Variants in KIRREL3 observed in about 807,000 individuals in gnomAD.
KIRREL3 encodes the protein kirre like nephrin family adhesion molecule 3.
A neutral mutation model predicts 89.7 loss-of-function variants in KIRREL3; 36 were observed. The observed-to-expected ratio is 0.40, with a 90% CI of 0.31 to 0.53. The LOEUF (loss-of-function observed/expected upper bound fraction) is 0.53. Among genes scored for constraint, KIRREL3 ranks in the 20% least tolerant of loss-of-function variants. The pLI is 0.49. For missense variants in KIRREL3, 864 were observed against 1,056.6 expected (o/e 0.82, Z 2.53); for synonymous variants, 445 against 441.4 (o/e 1.01, Z -0.10).
At position 126,748,313 on chromosome 11, in the gene KIRREL3, T is replaced by C. The variant is rs1452142930; in HGVS notation, c.56-185401A>G. Reference sequence around the variant, plus strand: ...GAAGACAGTGTAAGCCCCAGGAAACTGTGACAGCAATAAAAGAACTAAATG... The same window carrying C: ...GAAGACAGTGTAAGCCCCAGGAAACCGTGACAGCAATAAAAGAACTAAATG... On this transcript the variant is annotated intron_variant, in intron 1 of 16. Coordinates refer to ENST00000525144, the MANE Select transcript of KIRREL3 (RefSeq NM_032531.4). The surrounding 1 kb of genome is among the most constrained non-coding windows in gnomAD (Gnocchi z 4.6). Among the ~76,000 whole-genome samples the C allele has an allele frequency of 6.6e-6, 1 of 152,204 alleles. No homozygotes were observed. The highest frequency in any genetic ancestry group is 2.4e-5 in the African/African-American group (1 of 41,460).
rs1013836984 is a variant in KIRREL3 at position 126,471,211 on chromosome 11, G to GA, written c.591+2097dup. ...CGTCTCTTTTAAAAATACAAAAAAA[G>GA]AAAAAAAAATTAGCTGGGCATGATG... On this transcript the variant is annotated intron_variant, in intron 5 of 16. Transcript: ENST00000525144. The surrounding 1 kb of genome is among the most constrained non-coding windows in gnomAD (Gnocchi z 5.4). Among the ~76,000 whole-genome samples, 274 of 150,564 alleles carry GA rather than the reference G, an allele frequency of 1.8e-3. 1 individual carries two copies. Among genetic ancestry groups the GA allele is most frequent in the African/African-American group, 5.8e-3 (238 of 41,104 alleles).
At chr11:126,580,680 T>C (rs1324581820) in intron 1 of KIRREL3, among the ~76,000 whole-genome samples, 2 of 152,070 alleles carry the variant, frequency 1.3e-5, no homozygotes, top group African/African-American at 4.8e-5. Flanking sequence ...ACAGTTTCTG[T>C]GCACCCTGGA....
intron 1 of KIRREL3, among the ~76,000 whole-genome samples, chr11:126,992,748 T>C (rs682033): frequency 0.16 from 24,820 of 152,188 alleles, 2,396 homozygotes; most frequent in Middle Eastern, 0.28. Flanking sequence ...TGCTGTTTCC[T>C]CTTCTGGTTA....
At chr11:126,456,668 C>T (rs1416627118) in intron 6 of KIRREL3, among the ~76,000 whole-genome samples, 1 of 152,178 alleles carries the variant, frequency 6.6e-6, no homozygotes, top group Admixed American at 6.5e-5. Flanking sequence ...GGACTTGGGG[C>T]CTGGTGTGGA....
At chr11:126,833,951 T>G (rs1449539472) in intron 1 of KIRREL3, among the ~76,000 whole-genome samples, 1 of 152,160 alleles carries the variant, frequency 6.6e-6, no homozygotes, top group East Asian at 1.9e-4. Flanking sequence ...GCCTTTGGAG[T>G]TGACCACCTT....
intron 1 of KIRREL3, among the ~76,000 whole-genome samples, chr11:126,659,136 T>C (rs1460301281): frequency 6.6e-6 from 1 of 152,238 alleles, no homozygotes; most frequent in African/African-American, 2.4e-5. Flanking sequence ...TGCAAGGATA[T>C]AGTCATGAAC....
chr11:126,433,205 A>G (rs777253191), intron 13 of KIRREL3, among the ~76,000 whole-genome samples: 2 of 152,238 alleles, frequency 1.3e-5, no homozygotes, highest in Non-Finnish European at 2.9e-5. Context: ...AAAGGCCAGG[A>G]AAGTTCCTTT....
In KIRREL3 at chr11:126,736,272, A is replaced by G. The variant is rs539153115; in HGVS notation, c.56-173360T>C. 2.6e-5 allele frequency among the ~76,000 whole-genome samples: 4 copies of G among 152,314 alleles called. No individual in the cohort carries two copies. In the East Asian group the frequency reaches 7.7e-4, roughly 29 times the overall value. ...CTAGAAGTTTTACACACATTTCCTC[A>G]TTTAATACTCTTGTGAAATGTGCAC... On this transcript the variant is annotated intron_variant, in intron 1 of 16. Coordinates refer to ENST00000525144, the MANE Select transcript of KIRREL3 (RefSeq NM_032531.4). The surrounding 1 kb of genome is among the most constrained non-coding windows in gnomAD (Gnocchi z 5.0).
intron 4 of KIRREL3, among the ~76,000 whole-genome samples, chr11:126,478,841 TGGGA>T (rs1342200103): frequency 6.6e-6 from 1 of 151,944 alleles, no homozygotes; most frequent in Non-Finnish European, 1.5e-5. Flanking sequence ...GCGTGAGTAG[TGGGA>T]GGGAGGAGGG....
At chr11:126,720,784 G>A (rs1378212618) in intron 1 of KIRREL3, among the ~76,000 whole-genome samples, 1 of 152,210 alleles carries the variant, frequency 6.6e-6, no homozygotes, top group Non-Finnish European at 1.5e-5. Flanking sequence ...CAGGGCACAT[G>A]CAAATGACGC....
At position 126,997,561 on chromosome 11, in the gene KIRREL3, A is replaced by C. The variant is rs1950211203; in HGVS notation, c.55+2894T>G. Among the ~76,000 whole-genome samples, 1 of 152,142 alleles carries C rather than the reference A, an allele frequency of 6.6e-6. No homozygotes were observed. Among genetic ancestry groups the C allele is most frequent in the East Asian group, 1.9e-4 (1 of 5,196 alleles). On this transcript the variant is annotated intron_variant, in intron 1 of 16. Coordinates refer to ENST00000525144, the MANE Select transcript of KIRREL3 (RefSeq NM_032531.4). This position sits in a 1 kb window ranked among gnomAD's most constrained non-coding sequence, Gnocchi z 4.3. ...CCAAACTTTCAAAGAATAGGGACCCACCATATTACTGATATTAATTATACA... is the reference window on the plus strand; with the variant it reads ...CCAAACTTTCAAAGAATAGGGACCCCCCATATTACTGATATTAATTATACA...
chr11:126,521,261 T>A lies in KIRREL3; in HGVS notation c.433+54A>T. 1.4e-6 allele frequency: 2 copies of A among 1,463,348 alleles called. No homozygotes were observed. The highest frequency in any genetic ancestry group is 1.8e-6 in the Non-Finnish European group (2 of 1,098,848). 90.6% of individuals were successfully genotyped at this position (1,463,348 alleles called of 1,614,324 possible). The stretch of plus-strand genomic sequence containing the variant: ...GACCAAAAAAATACCCTCTTGGAGC[T>A]GAGCCCTTGGTGCTTCACGCAGTGT... On this transcript the variant is annotated intron_variant, in intron 4 of 16. Transcript: ENST00000525144. The surrounding 1 kb of genome is among the most constrained non-coding windows in gnomAD (Gnocchi z 4.1).
At position 126,642,990 on chromosome 11, in the gene KIRREL3, C is replaced by CCATCCATCCATT. The variant is rs1485839575; in HGVS notation, c.56-80079_56-80078insAATGGATGGATG. Reference sequence around the variant, plus strand: ...TTTGGCCTCCCTTCTTCCCTCCCATCCATCCATCCATCCATCCATCCATCC... The same window carrying CCATCCATCCATT: ...TTTGGCCTCCCTTCTTCCCTCCCATCCATCCATCCATTCATCCATCCATCCATCCATCCATCC... On this transcript the variant is annotated intron_variant, in intron 1 of 16. Transcript: ENST00000525144. This position sits in a 1 kb window ranked among gnomAD's most constrained non-coding sequence, Gnocchi z 4.9. 6.8e-6 allele frequency among the ~76,000 whole-genome samples: 1 copy of CCATCCATCCATT among 146,346 alleles called. No homozygotes were observed. The highest frequency in any genetic ancestry group is 1.5e-5 in the Non-Finnish European group (1 of 65,216).
intron 4 of KIRREL3, among the ~76,000 whole-genome samples, chr11:126,512,550 C>A (rs1482567994): frequency 6.6e-6 from 1 of 152,142 alleles, no homozygotes; most frequent in African/African-American, 2.4e-5. Context: ...GGGTGAGGGG[C>A]CTCCTCCAGG....
At position 126,860,207 on chromosome 11, in the gene KIRREL3, T is replaced by G. The variant is rs897834483; in HGVS notation, c.55+140248A>C. On this transcript the variant is annotated intron_variant, in intron 1 of 16. Coordinates refer to ENST00000525144, the MANE Select transcript of KIRREL3 (RefSeq NM_032531.4). The surrounding 1 kb of genome is among the most constrained non-coding windows in gnomAD (Gnocchi z 4.6). ...TTTGTGATGTGCCCGTTGCTGGTAC[T>G]TGGTGCTGGGAATATAAAAGATAAG... Among the ~76,000 whole-genome samples, 12 of 152,184 alleles carry G rather than the reference T, an allele frequency of 7.9e-5. No individual in the cohort carries two copies. The highest frequency in any genetic ancestry group is 2.9e-4 in the African/African-American group (12 of 41,436).
In KIRREL3 at chr11:126,890,779, C is replaced by T. The variant is rs1592290771; in HGVS notation, c.55+109676G>A. 6.6e-6 allele frequency among the ~76,000 whole-genome samples: 1 copy of T among 152,250 alleles called. No individual in the cohort carries two copies. Among genetic ancestry groups the T allele is most frequent in the African/African-American group, 2.4e-5 (1 of 41,468 alleles). ...ACATGAGCGTCCCCCAGTCCCAGCA[C>T]CACAGCGGCCTGCCTGTGCCCAGCG... On this transcript the variant is annotated intron_variant, in intron 1 of 16. Transcript: ENST00000525144. The surrounding 1 kb of genome is among the most constrained non-coding windows in gnomAD (Gnocchi z 5.1).
chr11:126,804,630 G>A (rs995376422), intron 1 of KIRREL3, among the ~76,000 whole-genome samples: 1 of 152,120 alleles, frequency 6.6e-6, no homozygotes, highest in African/African-American at 2.4e-5. Context: ...AATATCTCTT[G>A]GCAAAAGCAT....
chr11:126,681,707 A>C, intron 1 of KIRREL3: 1 of 350,458 alleles, frequency 2.9e-6, no homozygotes, highest in South Asian at 2.2e-5. Flanking sequence ...CCTCGTGTAT[A>C]GTAGGTGATC....
chr11:126,455,280 A>C lies in KIRREL3; in HGVS notation c.848+1069T>G, dbSNP rs1956300908. On this transcript the variant is annotated intron_variant, in intron 7 of 16. Coordinates refer to ENST00000525144, the MANE Select transcript of KIRREL3 (RefSeq NM_032531.4). The surrounding 1 kb of genome is among the most constrained non-coding windows in gnomAD (Gnocchi z 6.4). ...GGTGAGTCTGCCCTTGAGTGCCTCC[A>C]AGGTCACTTAGTCTCCTAGAGTCTT... 6.6e-6 allele frequency among the ~76,000 whole-genome samples: 1 copy of C among 152,224 alleles called. No homozygotes were observed. Among genetic ancestry groups the C allele is most frequent in the Non-Finnish European group, 1.5e-5 (1 of 68,040 alleles).
Sources: gnomAD v4.1 joint callset for allele counts (sites outside exome capture counted in the v4.1 genomes callset) on GRCh38, gnomAD v4.1.1 for gene constraint, Gnocchi (gnomAD v3.1) non-coding constraint, MANE v1.5 for transcripts, NCBI Gene and HGNC (gene_info 2026-07-23, HGNC 2026-07-21) for gene names.